Variants in ZEB2 observed in about 807,000 individuals in gnomAD.
ZEB2 encodes the protein zinc finger E-box binding homeobox 2, also known as zinc finger E-box-binding homeobox 2.
A neutral mutation model predicts 99.9 loss-of-function variants in ZEB2; 6 were observed. That is an observed-to-expected ratio of 0.06 (90% CI 0.03 to 0.12). The LOEUF is 0.12. ZEB2 is among the 10% of genes least tolerant of loss of function. The pLI is 1.00. For synonymous variants in ZEB2, 517 were observed against 542.5 expected (o/e 0.95, Z 0.65); for missense variants, 969 against 1,502.8 (o/e 0.64, Z 5.87).
intron 4 of ZEB2, among the ~76,000 whole-genome samples, chr2:144,421,991 G>A (rs1308854686): frequency 6.6e-6 from 1 of 152,132 alleles, no homozygotes; most frequent in Non-Finnish European, 1.5e-5. Flanking sequence ...AGCAAGTACT[G>A]CTATATGCTA....
intron 3 of ZEB2, chr2:144,427,936 A>C (rs1703710636): frequency 6.6e-6 from 1 of 152,218 alleles, no homozygotes; most frequent in African/African-American, 2.4e-5. Context: ...GTATATTAAA[A>C]CGTTTAGAAT....
intron 2 of ZEB2, among the ~76,000 whole-genome samples, chr2:144,480,000 T>C (rs920213494): frequency 6.6e-6 from 1 of 152,142 alleles, no homozygotes. Flanking sequence ...GCTAGTAGCT[T>C]GTTGTGACCC....
chr2:144,494,120 C>A (rs1218848533), intron 2 of ZEB2: 1 of 137,960 alleles, frequency 7.2e-6, no homozygotes. Context: ...CCACTCCACT[C>A]CAGCCTGGGC....
Position 144,430,037 on chromosome 2 carries a change from A to G in ZEB2, c.74-11T>C, listed in dbSNP as rs1369603365. 6.2e-7 allele frequency: 1 copy of G among 1,611,890 alleles called. No homozygotes were observed. Among genetic ancestry groups the G allele is most frequent in the South Asian group, 1.1e-5 (1 of 91,084 alleles). On this transcript the variant is annotated splice_polypyrimidine_tract_variant and intron_variant, in intron 2 of 9. Transcript: ENST00000627532. ...TGTCATAGTTCACCACTGCAGAAGA[A>G]GCACAAAACACACTCTCTAAACACT...
chr2:144,407,612 T>C (rs1703406104), intron 4 of ZEB2, among the ~76,000 whole-genome samples: 1 of 152,194 alleles, frequency 6.6e-6, no homozygotes, highest in African/African-American at 2.4e-5. Context: ...AGGGGCAAAA[T>C]GGCAGAGCCA....
chr2:144,486,181 C>G (rs940044075), intron 2 of ZEB2, among the ~76,000 whole-genome samples: 2 of 152,110 alleles, frequency 1.3e-5, no homozygotes, highest in Admixed American at 1.3e-4. Context: ...GGCTGAAAAG[C>G]ACTCTTGCAA....
At chr2:144,517,223 C>T in intron 2 of ZEB2, 55 bp downstream of exon 2, 3 of 1,608,672 alleles carry the variant, frequency 1.9e-6, no homozygotes, top group Non-Finnish European at 2.6e-6. Flanking sequence ...CTCCTTCTCC[C>T]TGGGTCTCGA....
intron 2 of ZEB2, chr2:144,513,839 G>C (rs766816396): frequency 1.5e-5 from 23 of 1,535,014 alleles, no homozygotes; most frequent in Non-Finnish European, 1.5e-5. Flanking sequence ...AAAGAAAAAG[G>C]GGGGCTGGGT....
At chr2:144,464,297 T>C (rs939330221) in intron 2 of ZEB2, 7 of 152,190 alleles carry the variant, frequency 4.6e-5, no homozygotes, top group Non-Finnish European at 8.8e-5. Context: ...CTTTTAATGT[T>C]GCACTGATGT....
At chr2:144,488,444 C>T (rs928443757) in intron 2 of ZEB2, among the ~76,000 whole-genome samples, 4 of 152,060 alleles carry the variant, frequency 2.6e-5, no homozygotes, top group South Asian at 2.1e-4. Flanking sequence ...CTCAAGGGGA[C>T]CTTTAAATGA....
intron 2 of ZEB2, chr2:144,513,701 C>G (rs1238308385): frequency 1.3e-6 from 2 of 1,535,778 alleles, no homozygotes; most frequent in Non-Finnish European, 1.7e-6. Flanking sequence ...GAATCAGGGG[C>G]AAAAGCAACA....
At chr2:144,518,938 G>A (rs1472803236) in intron 1 of ZEB2, 1 of 152,190 alleles carries the variant, frequency 6.6e-6, no homozygotes, top group Non-Finnish European at 1.5e-5. Flanking sequence ...CTTTATCTTT[G>A]CCTGTTACTC....
At chr2:144,516,999 G>C (rs1029905258) in intron 2 of ZEB2, among the ~76,000 whole-genome samples, 7 of 149,920 alleles carry the variant, frequency 4.7e-5, no homozygotes, top group African/African-American at 1.7e-4. Context: ...GCAGGGGCTC[G>C]AGGGGGGCAG....
chr2:144,432,682 A>T (rs1167708517), intron 2 of ZEB2, among the ~76,000 whole-genome samples: 1 of 152,074 alleles, frequency 6.6e-6, no homozygotes, highest in African/African-American at 2.4e-5. Flanking sequence ...AAATATTCTT[A>T]CTCTAGAATG....
chr2:144,517,263 C>A lies in ZEB2; in HGVS notation c.73+15G>T. On this transcript the variant is annotated intron_variant, in intron 2 of 9. Transcript: ENST00000627532. ...CGTAGTGGCCCGGAAAAGTTTGGTT[C>A]GGGCTGCTTCTTACCGTTTTTCCTC... The A allele has an allele frequency of 6.2e-7, 1 of 1,613,288 alleles. No individual in the cohort carries two copies. The highest frequency in any genetic ancestry group is 1.7e-4 in the Middle Eastern group (1 of 6,050).
chr2:144,401,450 T>C (rs1371997775), intron 6 of ZEB2, 143 bp from the exon 7 acceptor site: 2 of 779,554 alleles, frequency 2.6e-6, no homozygotes, highest in Admixed American at 4.5e-5. Context: ...TCTTTCAGAG[T>C]TGCAATAAAA....
At chr2:144,473,669 C>G (rs1704390060) in intron 2 of ZEB2, among the ~76,000 whole-genome samples, 1 of 151,964 alleles carries the variant, frequency 6.6e-6, no homozygotes, top group African/African-American at 2.4e-5. Context: ...ATGAGGAATG[C>G]CAAGAAGATG....
At position 144,400,136 on chromosome 2, in the gene ZEB2, C is replaced by G; in HGVS notation, c.1051G>C (p.Gly351Arg). Residue 351 changes from glycine (G) to arginine (R), a missense_variant, in exon 8 of 10, where the codon GGT becomes CGT. Transcript: ENST00000627532. ...GAAGAAACAGAATTAGGGGAAGAAC[C>G]CGTCTTGATATTGTTTCTCATTCGG... is the stretch of plus-strand genomic sequence containing the variant. ...NGRMRNNIKT[G>R]SSPNSVSSSP... 1.9e-6 allele frequency: 3 copies of G among 1,613,838 alleles called. No individual in the cohort carries two copies. Among genetic ancestry groups the G allele is most frequent in the Non-Finnish European group, 2.5e-6 (3 of 1,179,834 alleles).
At chr2:144,475,178 T>C (rs946966234) in intron 2 of ZEB2, among the ~76,000 whole-genome samples, 1 of 152,200 alleles carries the variant, frequency 6.6e-6, no homozygotes, top group Non-Finnish European at 1.5e-5. Context: ...TGCCCTGTTT[T>C]GTCCCAGCAT....
Sources: allele counts gnomAD v4.1 joint callset (sites outside exome capture counted in the v4.1 genomes callset), GRCh38; gene constraint gnomAD v4.1.1; transcripts MANE v1.5; gene names NCBI Gene and HGNC (gene_info 2026-07-23, HGNC 2026-07-21).